IDUA: variants seen among roughly 807,000 people sequenced by gnomAD.
IDUA encodes alpha-L-iduronidase, also known as iduronidase alpha-L-.
In IDUA, 65 loss-of-function variants were observed where a neutral mutation model predicts 68.9. That is an observed-to-expected ratio of 0.94 (90% CI 0.77 to 1.16). The LOEUF is 1.16. IDUA is among the 50% of genes most tolerant of loss of function. The probability of loss-of-function intolerance (pLI) is 0.00; values close to 1 mark genes in which losing one functional copy is unlikely to be tolerated. For synonymous variants in IDUA, 529 were observed against 433.6 expected, an observed-to-expected ratio of 1.22 and a Z score of -2.73; for missense variants, 1,046 against 938.0, an observed-to-expected ratio of 1.12 and a Z score of -1.50.
chr4:993,916 A>G (rs3806760), intron 2 of IDUA, among the ~76,000 whole-genome samples: 101,666 of 152,134 alleles, frequency 0.67, 34,144 homozygotes, highest in South Asian at 0.8. Context: ...CTCACCGCCC[A>G]GGGCGAGGAC....
At position 1,002,857 on chromosome 4, in the gene IDUA, C is replaced by T; in HGVS notation, c.1315C>T (p.Leu439=). Residue 439 remains leucine (L), a synonymous_variant, in exon 9 of 14, where the codon CTG becomes TTG. Coordinates refer to ENST00000514224, the MANE Select transcript of IDUA (RefSeq NM_000203.5). ...GPADAWRAAV[L]IYASDDTRAH... ...GGCCGACGCCTGGCGCGCCGCGGTGCTGATCTACGCGAGCGACGACACCCG... is the reference window on the plus strand; with the variant it reads ...GGCCGACGCCTGGCGCGCCGCGGTGTTGATCTACGCGAGCGACGACACCCG... The T allele has an allele frequency of 6.9e-7, 1 of 1,451,490 alleles. No individual in the cohort carries two copies. Among genetic ancestry groups the T allele is most frequent in the South Asian group, 1.3e-5 (1 of 74,092 alleles). The allele number at this position is 1,451,490 out of a possible 1,614,324, so 89.9% of individuals were successfully genotyped here. A position where few individuals can be genotyped will look rare whatever the true frequency, so the allele number is the denominator to read the frequency against.
Position 1,002,722 on chromosome 4 carries a change from C to T in IDUA, c.1190-10C>T, listed in dbSNP as rs1443642527. 13 of 1,465,538 alleles carry T rather than the reference C, an allele frequency of 8.9e-6. No individual in the cohort carries two copies. In the African/African-American group the frequency reaches 1.3e-4, roughly 15 times the overall value. The allele number at this position is 1,465,538 out of a possible 1,614,324, so 90.8% of individuals were successfully genotyped here. A position where few individuals can be genotyped will look rare whatever the true frequency, so the allele number is the denominator to read the frequency against. On this transcript the variant is annotated splice_polypyrimidine_tract_variant and intron_variant, in intron 8 of 13. Coordinates refer to ENST00000514224, the MANE Select transcript of IDUA (RefSeq NM_000203.5). ...ACCCCACGCGGCGACGGCCCCCCCC[C>T]GCCCCGCAGATGAGGAGCAGCTCTG... is the stretch of plus-strand genomic sequence containing the variant.
At chr4:995,912 G>A (rs1280676664) in intron 2 of IDUA, among the ~76,000 whole-genome samples, 3 of 151,954 alleles carry the variant, frequency 2.0e-5, no homozygotes, top group African/African-American at 4.8e-5. Flanking sequence ...TGTGAGATGT[G>A]GACAGGGCTG....
rs1026067704 is a variant in IDUA, at chr4:1,004,523, C to T, written c.*130C>T. 18 of 986,296 alleles carry T rather than the reference C, an allele frequency of 1.8e-5. No individual in the cohort carries two copies. The highest frequency in any genetic ancestry group is 8.2e-5 in the African/African-American group (5 of 60,870). The allele number at this position is 986,296 out of a possible 1,614,324, so 61.1% of individuals were successfully genotyped here. A position where few individuals can be genotyped will look rare whatever the true frequency, so the allele number is the denominator to read the frequency against. ...TATATTTTATTATTTTCTTTTATAT[C>T]TTGGTACCAACGCCCCCTTTAAAGC... On this transcript the variant is annotated 3_prime_UTR_variant, in exon 14 of 14. Transcript: ENST00000514224. This position sits in a 1 kb window ranked among gnomAD's most constrained non-coding sequence, Gnocchi z 5.0.
rs1472246458 is a variant in IDUA at position 987,083 on chromosome 4, C to A, written c.-2C>A. ...CCCCGCAGTCCCCGAGCACGCGTGGCCATGCGTCCCCTGCGCCCCCGCGCC... is the reference window on the plus strand; with the variant it reads ...CCCCGCAGTCCCCGAGCACGCGTGGACATGCGTCCCCTGCGCCCCCGCGCC... On this transcript the variant is annotated 5_prime_UTR_variant, in exon 1 of 14. Coordinates refer to ENST00000514224, the MANE Select transcript of IDUA (RefSeq NM_000203.5). 4.7e-6 allele frequency: 7 copies of A among 1,483,994 alleles called. No individual in the cohort carries two copies. Among genetic ancestry groups the A allele is most frequent in the Non-Finnish European group, 6.2e-6 (7 of 1,124,440 alleles). The allele number at this position is 1,483,994 out of a possible 1,614,324, so 91.9% of individuals were successfully genotyped here.
rs763998883 is a variant in IDUA at position 1,002,857 on chromosome 4, C to G, written c.1315C>G (p.Leu439Val). 1.4e-6 allele frequency: 2 copies of G among 1,451,490 alleles called. No individual in the cohort carries two copies. The highest frequency in any genetic ancestry group is 2.7e-5 in the South Asian group (2 of 74,092). The allele number at this position is 1,451,490 out of a possible 1,614,324, so 89.9% of individuals were successfully genotyped here. A position where few individuals can be genotyped will look rare whatever the true frequency, so the allele number is the denominator to read the frequency against. Residue 439 changes from leucine to valine, a missense_variant, in exon 9 of 14, where the codon CTG (leucine) becomes GTG (valine). Leu to Val is a conservative substitution (Grantham distance 32, BLOSUM62 1). Transcript: ENST00000514224. Reference sequence around the variant, plus strand: ...GGCCGACGCCTGGCGCGCCGCGGTGCTGATCTACGCGAGCGACGACACCCG... The same window carrying G: ...GGCCGACGCCTGGCGCGCCGCGGTGGTGATCTACGCGAGCGACGACACCCG... ...GPADAWRAAV[L>V]IYASDDTRAH... is the part of the protein sequence containing the mutation.
chr4:994,958 G>C (rs1714652753), intron 2 of IDUA, among the ~76,000 whole-genome samples: 1 of 152,046 alleles, frequency 6.6e-6, no homozygotes, highest in African/African-American at 2.4e-5. Flanking sequence ...CCAGCACTTT[G>C]GGAAGCTAAG....
chr4:1,002,415 C>T lies in IDUA; in HGVS notation c.1119C>T (p.Asn373=), dbSNP rs1163150337. 6.4e-7 allele frequency: 1 copy of T among 1,573,648 alleles called. No homozygotes were observed. Among genetic ancestry groups the T allele is most frequent in the Non-Finnish European group, 8.6e-7 (1 of 1,161,280 alleles). The change falls in exon 8 of 14, where the codon AAC becomes AAT. Residue 373 remains asparagine, a synonymous_variant. Coordinates refer to ENST00000514224, the MANE Select transcript of IDUA (RefSeq NM_000203.5). ...TCACCGCGCGCTTCCAGGTCAACAA[C>T]ACCCGCCCGCCGCACGTGCAGCTGT... ...RTLTARFQVN[N]TRPPHVQLLR...
intron 7 of IDUA, 39 bp downstream of exon 7, chr4:1,002,200 T>TGCGC: frequency 6.4e-7 from 1 of 1,567,318 alleles, no homozygotes; most frequent in Non-Finnish European, 8.6e-7. Flanking sequence ...CCCGGCCACC[T>TGCGC]TCCTCCCGAG....
At chr4:989,420 G>C in intron 2 of IDUA, 1 of 1,556,576 alleles carries the variant, frequency 6.4e-7, no homozygotes, top group Non-Finnish European at 8.7e-7. Flanking sequence ...GTGCGTGGGC[G>C]TTGGGTGCGG....
intron 10 of IDUA, 31 bp from the exon 11 acceptor site, chr4:1,003,314 G>T (rs1715232318): frequency 1.4e-5 from 20 of 1,426,802 alleles, no homozygotes; most frequent in Non-Finnish European, 1.7e-5. Context: ...AGCTCCCCTG[G>T]AGAACCCTGA....
Position 987,118 on chromosome 4 carries a change from G to C in IDUA, c.34G>C (p.Ala12Pro). ...CCTGCGCCCCCGCGCCGCGCTGCTG[G>C]CGCTCCTGGCCTCGCTCCTGGCCGC... ...RPLRPRAALL[A>P]LLASLLAAPP... The change falls in exon 1 of 14, where the codon GCG becomes CCG. Residue 12 changes from alanine to proline, a missense_variant. Physicochemically the swap from Ala to Pro is conservative, Grantham distance 27. Coordinates refer to ENST00000514224, the MANE Select transcript of IDUA (RefSeq NM_000203.5). 1 of 1,445,638 alleles carries C rather than the reference G, an allele frequency of 6.9e-7. No individual in the cohort carries two copies. The highest frequency in any genetic ancestry group is 9.1e-7 in the Non-Finnish European group (1 of 1,103,832). The allele number at this position is 1,445,638 out of a possible 1,614,324, so 89.6% of individuals were successfully genotyped here.
chr4:988,584 G>A, intron 2 of IDUA: 1 of 1,347,688 alleles, frequency 7.4e-7, no homozygotes, highest in Non-Finnish European at 9.5e-7. Context: ...GGTGCATTGG[G>A]GCCCAGCCAG....
At chr4:996,915 A>G (rs1181851084) in intron 2 of IDUA, among the ~76,000 whole-genome samples, 1 of 152,144 alleles carries the variant, frequency 6.6e-6, no homozygotes, top group Non-Finnish European at 1.5e-5. Flanking sequence ...CCCACGCAGG[A>G]CAGGGGGCGT....
chr4:1,001,443 G>C, intron 4 of IDUA, 25 bp from the exon 5 acceptor site: 1 of 1,599,382 alleles, frequency 6.3e-7, no homozygotes, highest in Non-Finnish European at 8.6e-7. Context: ...ACCTGTGCTG[G>C]GGGGACAGCA....
chr4:990,174 G>T (rs1041395598), intron 2 of IDUA: 4 of 1,560,502 alleles, frequency 2.6e-6, no homozygotes, highest in Non-Finnish European at 3.5e-6. Flanking sequence ...CCTGCCCGGC[G>T]CCGCGCAGCA....
chr4:998,001 T>G (rs1386722662), intron 2 of IDUA, among the ~76,000 whole-genome samples: 1 of 152,232 alleles, frequency 6.6e-6, no homozygotes, highest in Non-Finnish European at 1.5e-5. Flanking sequence ...TTCCTCCAGG[T>G]CACCGTGCCC....
chr4:991,781 A>G (rs1346901341), intron 2 of IDUA: 11 of 1,528,314 alleles, frequency 7.2e-6, no homozygotes, highest in Non-Finnish European at 9.6e-6. Context: ...TCCAGGGCCA[A>G]ACGACAAGGT....
rs762223172 is a variant in IDUA at position 1,004,377 on chromosome 4, C to T, written c.1946C>T (p.Ser649Phe). Reference sequence around the variant, plus strand: ...GTCCCTGTGCCAAGAGGGCCCCCATCCCCGGGCAATCCATGAGCCTGTGCT... The same window carrying T: ...GTCCCTGTGCCAAGAGGGCCCCCATTCCCGGGCAATCCATGAGCCTGTGCT... ...LEVPVPRGPP[S>F]PGNP Residue 649 changes from serine (S) to phenylalanine (F), a missense_variant, in exon 14 of 14, where the codon TCC (serine) becomes TTC (phenylalanine). By Grantham distance (155) the Ser-to-Phe change is radical. Transcript: ENST00000514224. The surrounding 1 kb of genome is among the most constrained non-coding windows in gnomAD (Gnocchi z 5.0). 4.3e-6 allele frequency: 7 copies of T among 1,610,882 alleles called. No homozygotes were observed. The Admixed American group carries it at 6.7e-5, about 15-fold the overall frequency.
Sources: gnomAD v4.1 joint callset for allele counts (sites outside exome capture counted in the v4.1 genomes callset) on GRCh38, gnomAD v4.1.1 for gene constraint, Gnocchi (gnomAD v3.1) non-coding constraint, MANE v1.5 for transcripts, NCBI Gene and HGNC (gene_info 2026-07-23, HGNC 2026-07-21) for gene names.